FHIT: variants seen among roughly 807,000 people sequenced by gnomAD.
The protein encoded by FHIT is fragile histidine triad diadenosine triphosphatase.
A neutral mutation model predicts 17.9 loss-of-function variants in FHIT; 19 were observed. That is an observed-to-expected ratio of 1.06 (90% CI 0.74 to 1.56). FHIT has a LOEUF of 1.56. Among genes scored for constraint, FHIT ranks in the 40% most tolerant of loss-of-function variants. The probability of loss-of-function intolerance (pLI) is 0.00; values close to 1 mark genes in which losing one functional copy is unlikely to be tolerated. For synonymous variants in FHIT, 81 were observed against 69.7 expected (o/e 1.16, Z -0.81); for missense variants, 248 against 189.2 (o/e 1.31, Z -1.82).
intron 3 of FHIT, among the ~76,000 whole-genome samples, chr3:61,023,296 G>T (rs1006389294): frequency 1.3e-5 from 2 of 152,074 alleles, no homozygotes; most frequent in Non-Finnish European, 2.9e-5. Context: ...GGGATGTGAA[G>T]GACCTCTTCA....
intron 8 of FHIT, among the ~76,000 whole-genome samples, chr3:59,854,342 T>C (rs1702064850): frequency 6.6e-6 from 1 of 152,154 alleles, no homozygotes; most frequent in Non-Finnish European, 1.5e-5. Context: ...ATACGTCTGA[T>C]AAATAATTGA....
intron 5 of FHIT, among the ~76,000 whole-genome samples, chr3:60,130,680 A>C (rs138207540): frequency 6.6e-6 from 1 of 152,060 alleles, no homozygotes; most frequent in African/African-American, 2.4e-5. Flanking sequence ...CCTTTCCAAA[A>C]ATTACTTGAA....
intron 5 of FHIT, among the ~76,000 whole-genome samples, chr3:60,466,736 G>C (rs1289529700): frequency 6.6e-6 from 1 of 151,242 alleles, no homozygotes; most frequent in Non-Finnish European, 1.5e-5. Context: ...CATGATAAAT[G>C]CTTTTTTTAA....
At chr3:60,910,532 C>A (rs1318486226) in intron 3 of FHIT, among the ~76,000 whole-genome samples, 1 of 151,996 alleles carries the variant, frequency 6.6e-6, no homozygotes, top group Non-Finnish European at 1.5e-5. Context: ...CTGCCTCAGC[C>A]TCCCGAGTAG....
rs72879862 is a variant in FHIT at position 61,198,782 on chromosome 3, G to A, written c.-164+1835C>T. Among the ~76,000 whole-genome samples, 1,325 of 151,950 alleles carry A rather than the reference G, an allele frequency of 8.7e-3. 16 individuals are homozygous for A. The highest frequency in any genetic ancestry group is 0.03 in the African/African-American group (1,223 of 41,410). ...ACCAAGCAGAATTTTCCCTTCTTTG[G>A]TAGCAACATGCTTATTTTAGAAATA... On this transcript the variant is annotated intron_variant, in intron 2 of 9. Transcript: ENST00000492590.
At chr3:60,774,193 A>T (rs1325442148) in intron 4 of FHIT, among the ~76,000 whole-genome samples, 2 of 152,252 alleles carry the variant, frequency 1.3e-5, no homozygotes, top group Non-Finnish European at 2.9e-5. Context: ...CCTCTTGTGC[A>T]CAGGGAATAT....
intron 5 of FHIT, among the ~76,000 whole-genome samples, chr3:60,427,614 C>T (rs911185734): frequency 1.3e-5 from 2 of 152,084 alleles, no homozygotes; most frequent in Admixed American, 6.6e-5. Context: ...TGATCCAACA[C>T]CTAAATGTGG....
At chr3:60,399,187 T>G (rs1250691157) in intron 5 of FHIT, among the ~76,000 whole-genome samples, 1 of 152,200 alleles carries the variant, frequency 6.6e-6, no homozygotes, top group Non-Finnish European at 1.5e-5. Flanking sequence ...AAGTTTCCTC[T>G]TATCATCATA....
intron 5 of FHIT, among the ~76,000 whole-genome samples, chr3:60,449,968 A>G (rs1468533969): frequency 7.1e-6 from 1 of 140,462 alleles, no homozygotes. Context: ...GGGGCACTGC[A>G]CTCCAGCCTG....
At chr3:60,798,216 C>A (rs943662797) in intron 4 of FHIT, among the ~76,000 whole-genome samples, 1 of 151,314 alleles carries the variant, frequency 6.6e-6, no homozygotes, top group Admixed American at 6.6e-5. Context: ...TGCCAATAGA[C>A]AAAAAGTATC....
At chr3:60,347,861 C>T (rs1332173787) in intron 5 of FHIT, among the ~76,000 whole-genome samples, 14 of 152,090 alleles carry the variant, frequency 9.2e-5, no homozygotes, top group East Asian at 3.9e-4. Flanking sequence ...TGGGTTCAAG[C>T]GATTCTCCTG....
intron 5 of FHIT, among the ~76,000 whole-genome samples, chr3:60,381,899 G>C (rs1420334159): frequency 1.3e-5 from 2 of 152,126 alleles, no homozygotes; most frequent in African/African-American, 4.8e-5. Context: ...CAGAAAATGT[G>C]TCTCAAAGGC....
chr3:59,843,317 C>A (rs1487590583), intron 8 of FHIT, among the ~76,000 whole-genome samples: 1 of 152,124 alleles, frequency 6.6e-6, no homozygotes, highest in African/African-American at 2.4e-5. Flanking sequence ...TGCTTTGACT[C>A]CTACAGTTTA....
intron 4 of FHIT, among the ~76,000 whole-genome samples, chr3:60,698,486 C>T (rs1347627678): frequency 6.6e-6 from 1 of 152,106 alleles, no homozygotes; most frequent in Non-Finnish European, 1.5e-5. Flanking sequence ...AACCTCACCC[C>T]CAAACAAACC....
intron 4 of FHIT, among the ~76,000 whole-genome samples, chr3:60,801,002 T>G (rs1232390213): frequency 2.6e-5 from 4 of 152,132 alleles, no homozygotes; most frequent in African/African-American, 9.7e-5. Flanking sequence ...ATGGTGGTCT[T>G]GGTAGGGGAC....
chr3:61,149,656 T>C lies in FHIT; in HGVS notation c.-164+50961A>G, dbSNP rs185517114. ...ATTTTGGGAGGCACAGATGGGAGGA[T>C]GGCTTGAGCCCAGGAGTTTGAGACC... On this transcript the variant is annotated intron_variant, in intron 2 of 9. Transcript: ENST00000492590. Among the ~76,000 whole-genome samples, 660 of 152,222 alleles carry C rather than the reference T, an allele frequency of 4.3e-3. 22 individuals are homozygous for C. The highest frequency in any genetic ancestry group is 0.04 in the Admixed American group (606 of 15,268).
chr3:61,213,522 T>A (rs540774102), intron 1 of FHIT, among the ~76,000 whole-genome samples: 86 of 152,290 alleles, frequency 5.6e-4, no homozygotes, highest in Non-Finnish European at 2.1e-4. Flanking sequence ...CTGAGTGACC[T>A]ACAAAGAGAC....
In FHIT at chr3:60,472,938, A is replaced by G. The variant is rs561573221; in HGVS notation, c.103+63922T>C. ...CATTATTCATTTAAGTTTTCTGACA[A>G]CCTGACATTTATCTCCTTTAGTGCT... On this transcript the variant is annotated intron_variant, in intron 5 of 9. Coordinates refer to ENST00000492590, the MANE Select transcript of FHIT (RefSeq NM_002012.4). Among the ~76,000 whole-genome samples, 134 of 152,216 alleles carry G rather than the reference A, an allele frequency of 8.8e-4. 1 individual carries two copies. The highest frequency in any genetic ancestry group is 3.1e-3 in the African/African-American group (129 of 41,532).
At chr3:60,667,929 C>T (rs2040417807) in intron 4 of FHIT, among the ~76,000 whole-genome samples, 1 of 151,954 alleles carries the variant, frequency 6.6e-6, no homozygotes, top group Admixed American at 6.6e-5. Flanking sequence ...GAACAGATTT[C>T]CCCACACTGG....
Sources: allele counts gnomAD v4.1 joint callset (sites outside exome capture counted in the v4.1 genomes callset), GRCh38; gene constraint gnomAD v4.1.1; transcripts MANE v1.5; gene names NCBI Gene and HGNC (gene_info 2026-07-23, HGNC 2026-07-21).